The following ERGIC2 variants were observed in gnomAD, a reference collection of about 807,000 sequenced individuals.
The protein encoded by ERGIC2 is ERGIC and golgi 2.
In ERGIC2, 31 loss-of-function variants were observed where a neutral mutation model predicts 52.5. The ratio of observed to expected loss-of-function variants is 0.59; its 90% CI spans 0.44 to 0.80. The LOEUF is 0.80. Among genes scored for constraint, ERGIC2 ranks in the 30% least tolerant of loss-of-function variants. ERGIC2 has a pLI of 0.00. For synonymous variants in ERGIC2, 129 were observed against 140.6 expected (o/e 0.92, Z 0.58); for missense variants, 395 against 455.2 (o/e 0.87, Z 1.20).
chr12:29,343,824 G>GA (rs1949857369), intron 11 of ERGIC2, among the ~76,000 whole-genome samples: 2 of 152,236 alleles, frequency 1.3e-5, no homozygotes, highest in South Asian at 4.2e-4. Context: ...TATAAGGGTA[G>GA]AAACTGTTTT....
chr12:29,365,767 G>T (rs1940353264), intron 5 of ERGIC2, among the ~76,000 whole-genome samples: 1 of 151,396 alleles, frequency 6.6e-6, no homozygotes, highest in African/African-American at 2.4e-5. Flanking sequence ...TAATCACTTA[G>T]ATCAAAATGA....
intron 5 of ERGIC2, among the ~76,000 whole-genome samples, chr12:29,366,168 T>C (rs1940359723): frequency 6.6e-6 from 1 of 151,956 alleles, no homozygotes; most frequent in Non-Finnish European, 1.5e-5. Context: ...TAAATTTAAG[T>C]ACCACCATGC....
chr12:29,372,661 TTTTC>T (rs1245325902), intron 1 of ERGIC2: 2 of 146,942 alleles, frequency 1.4e-5, no homozygotes, highest in Non-Finnish European at 3.0e-5. Context: ...AATCTTTTTT[TTTTC>T]TTTTTTTGAG....
At chr12:29,344,388 C>T (rs1338685844) in intron 11 of ERGIC2, among the ~76,000 whole-genome samples, 1 of 152,144 alleles carries the variant, frequency 6.6e-6, no homozygotes, top group Admixed American at 6.5e-5. Context: ...GCATGTTTGC[C>T]TATTTTCCCC....
chr12:29,370,417 G>C (rs1940425474), intron 2 of ERGIC2, among the ~76,000 whole-genome samples, 195 bp from the exon 3 acceptor site: 1 of 151,688 alleles, frequency 6.6e-6, no homozygotes, highest in Non-Finnish European at 1.5e-5. Context: ...CAAAAGTTAA[G>C]GTTTAATATA....
At chr12:29,366,993 G>A (rs1278398355) in intron 4 of ERGIC2, 46 bp from the exon 5 acceptor site, 3 of 1,181,158 alleles carry the variant, frequency 2.5e-6, no homozygotes, top group East Asian at 2.7e-5. Flanking sequence ...ATGCTTGGAG[G>A]CAAACCATCC....
chr12:29,363,506 G>A (rs574871079), intron 5 of ERGIC2, among the ~76,000 whole-genome samples: 5 of 151,892 alleles, frequency 3.3e-5, no homozygotes, highest in Admixed American at 3.3e-4. Flanking sequence ...CTAATGAAAA[G>A]TATACAATTA....
In ERGIC2 at chr12:29,343,007, C is replaced by T. The variant is rs1949849772; in HGVS notation, c.988+113G>A. The T allele has an allele frequency of 1.2e-5, 10 of 813,876 alleles. No individual in the cohort carries two copies. The Admixed American group carries it at 2.0e-4, about 16-fold the overall frequency. 50.4% of individuals were successfully genotyped at this position (813,876 alleles called of 1,614,324 possible). A position where few individuals can be genotyped will look rare whatever the true frequency, so the allele number is the denominator to read the frequency against. On this transcript the variant is annotated intron_variant, in intron 12 of 13. Transcript: ENST00000360150. Reference sequence around the variant, plus strand: ...TGGAGTTTTGTAATTAAAGCAAAAGCTATTTAAACACCGAAACATGAAAAT... The same window carrying T: ...TGGAGTTTTGTAATTAAAGCAAAAGTTATTTAAACACCGAAACATGAAAAT...
rs1565534339 is a variant in ERGIC2 at position 29,341,150 on chromosome 12, GA to G, written c.*5del. On this transcript the variant is annotated 3_prime_UTR_variant, in exon 14 of 14. Transcript: ENST00000360150. ...CAAAAAGTTTTTCTCCTTCAATCGG[GA>G]GGTGTTAATGTGTATTATTTTCTAA... 1 of 1,602,304 alleles carries G rather than the reference GA, an allele frequency of 6.2e-7. No individual in the cohort carries two copies. The highest frequency in any genetic ancestry group is 1.1e-5 in the South Asian group (1 of 89,636).
intron 6 of ERGIC2, among the ~76,000 whole-genome samples, chr12:29,359,502 A>T (rs1216044053): frequency 6.6e-6 from 1 of 152,190 alleles, no homozygotes; most frequent in East Asian, 1.9e-4. Flanking sequence ...TGGCAAATTT[A>T]TATCATCTTA....
chr12:29,343,441 C>G (rs1310931720), intron 11 of ERGIC2, among the ~76,000 whole-genome samples, 159 bp from the exon 12 acceptor site: 1 of 152,168 alleles, frequency 6.6e-6, no homozygotes, highest in Non-Finnish European at 1.5e-5. Context: ...AGACTAAGCT[C>G]TTCAGAGACA....
At chr12:29,368,770 T>C (rs957068060) in intron 3 of ERGIC2, among the ~76,000 whole-genome samples, 2 of 151,920 alleles carry the variant, frequency 1.3e-5, no homozygotes, top group African/African-American at 4.8e-5. Context: ...TTCACAGATT[T>C]TCAAGTAAAC....
In ERGIC2 at chr12:29,370,175, A is replaced by G. The variant is rs1940422216; in HGVS notation, c.154T>C (p.Phe52Leu). ...TTMALLTIME[F>L]SVYQDTWMKY... is the part of the protein sequence containing the mutation. Reference sequence around the variant, plus strand: ...ATCCATGTATCTTGATATACTGAGAATTCCATTATGGTTAATAAAGCCATA... The same window carrying G: ...ATCCATGTATCTTGATATACTGAGAGTTCCATTATGGTTAATAAAGCCATA... The change falls in exon 3 of 14, where the codon TTC (phenylalanine) becomes CTC (leucine). Residue 52 changes from phenylalanine (F) to leucine (L), a missense_variant. Physicochemically the swap from Phe to Leu is conservative, Grantham distance 22. Transcript: ENST00000360150. 3.2e-6 allele frequency: 5 copies of G among 1,551,648 alleles called. No individual in the cohort carries two copies. In the South Asian group the frequency reaches 6.4e-5, roughly 20 times the overall value.
In ERGIC2 at chr12:29,341,156, T is replaced by TTAA; in HGVS notation, c.1131_1133dup (p.His377_Ter378insTyr). The TTAA allele has an allele frequency of 6.2e-7, 1 of 1,606,198 alleles. No homozygotes were observed. The highest frequency in any genetic ancestry group is 1.1e-5 in the South Asian group (1 of 90,064). On this transcript the variant is annotated inframe_insertion, in exon 14 of 14. Transcript: ENST00000360150. ...GTTTTTCTCCTTCAATCGGGAGGTGTTAATGTGTATTATTTTCTAAAAGAG... is the reference window on the plus strand; with the variant it reads ...GTTTTTCTCCTTCAATCGGGAGGTGTTAATAATGTGTATTATTTTCTAAAAGAG...
At chr12:29,351,734 A>G (rs1940133580) in intron 8 of ERGIC2, among the ~76,000 whole-genome samples, 1 of 152,200 alleles carries the variant, frequency 6.6e-6, no homozygotes, top group African/African-American at 2.4e-5. Context: ...AGACTTATCA[A>G]TACTTGGATG....
chr12:29,340,900 C>T lies in ERGIC2; in HGVS notation c.*256G>A, dbSNP rs879125952. On this transcript the variant is annotated 3_prime_UTR_variant, in exon 14 of 14. Coordinates refer to ENST00000360150, the MANE Select transcript of ERGIC2 (RefSeq NM_016570.3). ...CATTTGCTATGAAAATATAAGAAGG[C>T]GTCATCTTCAAAGCAACACTCCAGT... 88 of 508,750 alleles carry T rather than the reference C, an allele frequency of 1.7e-4. No homozygotes were observed. Among genetic ancestry groups the T allele is most frequent in the South Asian group, 1.6e-3 (87 of 54,328 alleles). 31.5% of individuals were successfully genotyped at this position (508,750 alleles called of 1,614,324 possible).
chr12:29,357,856 T>C (rs1355892860), intron 6 of ERGIC2, 132 bp from the exon 7 acceptor site: 4 of 668,584 alleles, frequency 6.0e-6, no homozygotes, highest in Non-Finnish European at 1.0e-5. Context: ...TATTCTAAAA[T>C]AACATACCAA....
chr12:29,366,811 T>C (rs1940368831), intron 5 of ERGIC2, 66 bp downstream of exon 5: 1 of 847,122 alleles, frequency 1.2e-6, no homozygotes, highest in Non-Finnish European at 1.8e-6. Context: ...TAAAAGCAAC[T>C]ATCTGTCTTC....
rs1252752744 is a variant in ERGIC2, at chr12:29,338,380, C to G, written c.*2776G>C. 1 of 152,002 alleles carries G rather than the reference C, an allele frequency of 6.6e-6. No individual in the cohort carries two copies. The highest frequency in any genetic ancestry group is 2.4e-5 in the African/African-American group (1 of 41,374). The allele number at this position is 152,002 out of a possible 1,614,324, so 9.4% of individuals were successfully genotyped here. ...AATTTGGGTGCCAGGTGCAGTGGCT[C>G]GTGCCTATAATTCCAGCAATGCAGG... On this transcript the variant is annotated 3_prime_UTR_variant, in exon 14 of 14. Transcript: ENST00000360150.
Sources: allele counts gnomAD v4.1 joint callset (sites outside exome capture counted in the v4.1 genomes callset), GRCh38; gene constraint gnomAD v4.1.1; transcripts MANE v1.5; gene names NCBI Gene and HGNC (gene_info 2026-07-23, HGNC 2026-07-21).